The following NSRP1 variants were observed in gnomAD, a reference collection of about 807,000 sequenced individuals.
NSRP1 encodes the protein coiled-coil domain containing 55.
In NSRP1, 24 loss-of-function variants were observed where a neutral mutation model predicts 54.7. The observed-to-expected ratio is 0.44, with a 90% CI of 0.32 to 0.62. NSRP1 has a LOEUF of 0.62. Among genes scored for constraint, NSRP1 ranks in the 20% least tolerant of loss-of-function variants. The probability of loss-of-function intolerance (pLI) is 0.06; values close to 1 mark genes in which losing one functional copy is unlikely to be tolerated. For synonymous variants in NSRP1, 210 were observed against 213.8 expected (o/e 0.98, Z 0.15); for missense variants, 596 against 651.2 (o/e 0.92, Z 0.92).
chr17:30,153,213 G>A (rs756417208), intron 2 of NSRP1, among the ~76,000 whole-genome samples: 12 of 151,852 alleles, frequency 7.9e-5, no homozygotes, highest in Non-Finnish European at 1.3e-4. Context: ...CACCGTGCCC[G>A]GCCTATTTTC....
intron 2 of NSRP1, among the ~76,000 whole-genome samples, chr17:30,150,863 T>G (rs1477444151): frequency 2.0e-5 from 3 of 151,788 alleles, no homozygotes; most frequent in Non-Finnish European, 4.4e-5. Context: ...AATTTTTGTA[T>G]TTTTAGTAGA....
chr17:30,133,109 A>ATTT (rs558445432), intron 2 of NSRP1, among the ~76,000 whole-genome samples: 5 of 110,924 alleles, frequency 4.5e-5, no homozygotes, highest in African/African-American at 7.3e-5. Flanking sequence ...ACACCCAGCT[A>ATTT]TTTTTTTTTT....
chr17:30,131,948 T>TATA (rs550304828), intron 2 of NSRP1, among the ~76,000 whole-genome samples: 4 of 152,250 alleles, frequency 2.6e-5, no homozygotes, highest in African/African-American at 9.6e-5. Flanking sequence ...GTAGATTCTA[T>TATA]ATAAAGAAAC....
chr17:30,182,794 C>T (rs1295387705), intron 6 of NSRP1, among the ~76,000 whole-genome samples: 3 of 151,714 alleles, frequency 2.0e-5, no homozygotes, highest in Admixed American at 6.6e-5. Flanking sequence ...ATTAGCCAGG[C>T]GTGGTGGCGG....
chr17:30,146,505 A>T (rs1422856864), intron 2 of NSRP1, among the ~76,000 whole-genome samples: 2 of 152,222 alleles, frequency 1.3e-5, no homozygotes, highest in Admixed American at 1.3e-4. Flanking sequence ...TTGGGATTAC[A>T]GGTGTGAGCC....
intron 3 of NSRP1, among the ~76,000 whole-genome samples, chr17:30,177,294 C>T (rs1180910770): frequency 6.6e-6 from 1 of 152,040 alleles, no homozygotes; most frequent in East Asian, 1.9e-4. Flanking sequence ...TCACTTGAAG[C>T]CTGGGAGGCA....
intron 2 of NSRP1, among the ~76,000 whole-genome samples, chr17:30,131,977 G>A (rs189981037): frequency 3.9e-5 from 6 of 152,126 alleles, no homozygotes; most frequent in African/African-American, 1.4e-4. Context: ...GGCCAGGCGC[G>A]GTGGCTCACG....
intron 2 of NSRP1, among the ~76,000 whole-genome samples, chr17:30,171,697 G>A (rs1308659887): frequency 3.3e-5 from 5 of 152,100 alleles, no homozygotes; most frequent in Non-Finnish European, 5.9e-5. Context: ...CTAAGACTGA[G>A]ACTGTTCTTG....
Position 30,185,835 on chromosome 17 carries a change from T to C in NSRP1, c.*161T>C. On this transcript the variant is annotated 3_prime_UTR_variant, in exon 7 of 7. Coordinates refer to ENST00000247026, the MANE Select transcript of NSRP1 (RefSeq NM_032141.4). Reference sequence around the variant, plus strand: ...AAAGTCAGTCTTACAGCTTGGATGTTTGGATGTGGATGTTTGGCTGAATTT... The same window carrying C: ...AAAGTCAGTCTTACAGCTTGGATGTCTGGATGTGGATGTTTGGCTGAATTT... 2.9e-6 allele frequency: 2 copies of C among 688,674 alleles called. No individual in the cohort carries two copies. The highest frequency in any genetic ancestry group is 4.6e-6 in the Non-Finnish European group (2 of 437,272). 42.7% of individuals were successfully genotyped at this position (688,674 alleles called of 1,614,324 possible).
intron 3 of NSRP1, among the ~76,000 whole-genome samples, chr17:30,173,375 AG>A (rs1905024591): frequency 6.6e-6 from 1 of 152,230 alleles, no homozygotes; most frequent in South Asian, 2.1e-4. Context: ...AAACTCAAAA[AG>A]GATAAAGTGC....
At chr17:30,141,457 A>G (rs988180374) in intron 2 of NSRP1, among the ~76,000 whole-genome samples, 1 of 152,198 alleles carries the variant, frequency 6.6e-6, no homozygotes, top group East Asian at 1.9e-4. Context: ...TGTTAATCCT[A>G]ATTCATTTTG....
intron 2 of NSRP1, among the ~76,000 whole-genome samples, chr17:30,131,080 G>A (rs971046889): frequency 2.6e-5 from 4 of 152,106 alleles, no homozygotes; most frequent in Non-Finnish European, 5.9e-5. Context: ...TGAAAAAGTA[G>A]AGCAGGATAA....
intron 2 of NSRP1, among the ~76,000 whole-genome samples, chr17:30,145,899 G>T (rs2071850230): frequency 6.6e-6 from 1 of 152,164 alleles, no homozygotes. Flanking sequence ...CCTCAGGCTT[G>T]AGTGCAGAGG....
intron 4 of NSRP1, among the ~76,000 whole-genome samples, 193 bp from the exon 5 acceptor site, chr17:30,178,897 C>A (rs1247024655): frequency 1.3e-5 from 2 of 151,836 alleles, no homozygotes; most frequent in African/African-American, 2.4e-5. Flanking sequence ...TAAACAATTT[C>A]TATCTCTGCT....
chr17:30,128,130 C>T, intron 2 of NSRP1: 1 of 320,982 alleles, frequency 3.1e-6, no homozygotes, highest in Non-Finnish European at 5.6e-6. Context: ...TGAGCCACTG[C>T]ACCTGGCTGT....
intron 3 of NSRP1, among the ~76,000 whole-genome samples, chr17:30,173,547 C>T (rs1020318677): frequency 6.6e-6 from 1 of 152,152 alleles, no homozygotes; most frequent in African/African-American, 2.4e-5. Flanking sequence ...TTATCCTCTC[C>T]ATTAGCTTTA....
At position 30,179,186 on chromosome 17, in the gene NSRP1, G is replaced by A. The variant is rs1213968038; in HGVS notation, c.397G>A (p.Glu133Lys). 1.2e-6 allele frequency: 2 copies of A among 1,611,242 alleles called. No homozygotes were observed. The highest frequency in any genetic ancestry group is 3.3e-5 in the Admixed American group (2 of 59,850). ...EKKIQREREMEKGEFDDKEAF... is the reference protein window; with the variant it reads ...EKKIQREREMKKGEFDDKEAF... ...GAAAATACAGAGAGAACGAGAAATGGAAAAGGGGGAGTTTGATGATAAAGA... is the reference window on the plus strand; with the variant it reads ...GAAAATACAGAGAGAACGAGAAATGAAAAAGGGGGAGTTTGATGATAAAGA... The change falls in exon 5 of 7, where the codon GAA becomes AAA. Residue 133 changes from glutamate (E) to lysine (K), a missense_variant. Transcript: ENST00000247026.
intron 2 of NSRP1, among the ~76,000 whole-genome samples, chr17:30,132,476 C>T (rs2071709796): frequency 6.6e-6 from 1 of 151,794 alleles, no homozygotes; most frequent in Non-Finnish European, 1.5e-5. Context: ...ATCATATGAG[C>T]CCAGGAGGTG....
chr17:30,141,757 C>T (rs1209860385), intron 2 of NSRP1, among the ~76,000 whole-genome samples: 1 of 152,184 alleles, frequency 6.6e-6, no homozygotes. Flanking sequence ...AATCCCAGCA[C>T]TGTGGGAGGC....
Sources: allele counts gnomAD v4.1 joint callset (sites outside exome capture counted in the v4.1 genomes callset), GRCh38; gene constraint gnomAD v4.1.1; transcripts MANE v1.5; gene names NCBI Gene and HGNC (gene_info 2026-07-23, HGNC 2026-07-21).